The following KIAA1217 variants were observed in gnomAD, a reference collection of about 807,000 sequenced individuals.
The protein encoded by KIAA1217 is KIAA1217.
In KIAA1217, 88 loss-of-function variants were observed where a neutral mutation model predicts 163.9. The ratio of observed to expected loss-of-function variants is 0.54; its 90% CI spans 0.45 to 0.64. The LOEUF (loss-of-function observed/expected upper bound fraction) is 0.64. Among genes scored for constraint, KIAA1217 ranks in the 30% least tolerant of loss-of-function variants. KIAA1217 has a pLI of 0.00. For missense variants in KIAA1217, 2,372 were observed against 2,475.0 expected (o/e 0.96, Z 0.88); for synonymous variants, 903 against 923.1 (o/e 0.98, Z 0.39).
chr10:24,322,184 C>T (rs1334476565), intron 2 of KIAA1217, among the ~76,000 whole-genome samples: 1 of 152,062 alleles, frequency 6.6e-6, no homozygotes, highest in East Asian at 1.9e-4. Context: ...GAATTCCTGA[C>T]CTCTAGTGAT....
chr10:24,189,384 T>C (rs2066605504), intron 2 of KIAA1217, among the ~76,000 whole-genome samples: 1 of 152,176 alleles, frequency 6.6e-6, no homozygotes, highest in Non-Finnish European at 1.5e-5. Context: ...GGAGCAATTC[T>C]AGACAATGAT....
chr10:23,699,030 C>G (rs1292489027), intron 1 of KIAA1217, among the ~76,000 whole-genome samples: 2 of 152,312 alleles, frequency 1.3e-5, no homozygotes, highest in African/African-American at 4.8e-5. Context: ...CTGGCTGGGT[C>G]TGCTATCCTT....
chr10:24,310,993 G>A (rs1199547593), intron 2 of KIAA1217, among the ~76,000 whole-genome samples: 1 of 152,144 alleles, frequency 6.6e-6, no homozygotes, highest in African/African-American at 2.4e-5. Context: ...GTGAGACCCT[G>A]TCTCAAACAA....
At chr10:24,166,968 C>A (rs1473958887) in intron 2 of KIAA1217, among the ~76,000 whole-genome samples, 1 of 152,044 alleles carries the variant, frequency 6.6e-6, no homozygotes, top group Non-Finnish European at 1.5e-5. Flanking sequence ...GTGCTGATAG[C>A]TGGAGAAGAA....
chr10:24,035,482 G>A (rs1328658018), intron 2 of KIAA1217, among the ~76,000 whole-genome samples: 1 of 151,958 alleles, frequency 6.6e-6, no homozygotes, highest in Non-Finnish European at 1.5e-5. Flanking sequence ...TAGAACTTTG[G>A]AAAAAACACT....
chr10:23,758,407 T>C (rs2130850562), intron 1 of KIAA1217, among the ~76,000 whole-genome samples: 1 of 152,306 alleles, frequency 6.6e-6, no homozygotes, highest in South Asian at 2.1e-4. Context: ...TGTATTCCAT[T>C]GGTCTGTATG....
chr10:23,929,942 T>A (rs1056367959), intron 1 of KIAA1217, among the ~76,000 whole-genome samples: 35 of 152,136 alleles, frequency 2.3e-4, no homozygotes, highest in Non-Finnish European at 1.5e-5. Context: ...AGCATTCCTC[T>A]TTTTTTGGGA....
At chr10:23,849,704 A>C (rs1009678986) in intron 1 of KIAA1217, among the ~76,000 whole-genome samples, 13 of 151,728 alleles carry the variant, frequency 8.6e-5, no homozygotes, top group African/African-American at 2.7e-4. Context: ...AATAAAACTT[A>C]AAAAAAAGAG....
intron 1 of KIAA1217, among the ~76,000 whole-genome samples, chr10:23,864,096 A>G (rs1840074132): frequency 7.3e-6 from 1 of 137,790 alleles, no homozygotes; most frequent in South Asian, 2.3e-4. Context: ...TATTATTATT[A>G]TTATTATTCC....
intron 1 of KIAA1217, among the ~76,000 whole-genome samples, chr10:24,212,028 G>A (rs539321438): frequency 6.6e-6 from 1 of 150,440 alleles, no homozygotes; most frequent in Admixed American, 6.6e-5. Flanking sequence ...GGGTAACAGT[G>A]TAAGATTCTG....
At chr10:24,344,660 T>G (rs921173605) in intron 2 of KIAA1217, among the ~76,000 whole-genome samples, 7 of 152,326 alleles carry the variant, frequency 4.6e-5, no homozygotes, top group African/African-American at 1.7e-4. Flanking sequence ...AATGTAACTT[T>G]TAATTTTAAA....
chr10:23,713,111 G>T (rs1837359595), intron 1 of KIAA1217, among the ~76,000 whole-genome samples: 1 of 152,102 alleles, frequency 6.6e-6, no homozygotes, highest in African/African-American at 2.4e-5. Context: ...ATGAATTGAG[G>T]TATTAGAAAA....
chr10:24,441,533 G>A (rs772161069), intron 5 of KIAA1217, among the ~76,000 whole-genome samples: 10 of 152,190 alleles, frequency 6.6e-5, no homozygotes, highest in South Asian at 4.1e-4. Flanking sequence ...CAGAGTGTGC[G>A]TGGAATGCAT....
At chr10:24,303,645 A>G (rs1367474258) in intron 2 of KIAA1217, among the ~76,000 whole-genome samples, 1 of 152,172 alleles carries the variant, frequency 6.6e-6, no homozygotes, top group Non-Finnish European at 1.5e-5. Flanking sequence ...GGTGGGATTA[A>G]GCTTGAGGAA....
chr10:23,986,327 A>T (rs530481071), intron 1 of KIAA1217, among the ~76,000 whole-genome samples: 53 of 152,220 alleles, frequency 3.5e-4, no homozygotes, highest in Non-Finnish European at 3.1e-4. Flanking sequence ...GCCTGAATCA[A>T]ATTACAGTTG....
At chr10:24,112,787 C>T (rs975340362) in intron 2 of KIAA1217, among the ~76,000 whole-genome samples, 17 of 151,856 alleles carry the variant, frequency 1.1e-4, no homozygotes, top group African/African-American at 3.6e-4. Context: ...GGGGTTTCAC[C>T]GTGTTAGCCA....
chr10:24,276,625 T>TTC (rs1491326553), intron 2 of KIAA1217, among the ~76,000 whole-genome samples: 2 of 148,594 alleles, frequency 1.3e-5, no homozygotes, highest in East Asian at 4.0e-4. Flanking sequence ...TTTTTTTTTT[T>TTC]CTGAGATGGA....
At chr10:23,858,806 G>A (rs1839826188) in intron 1 of KIAA1217, among the ~76,000 whole-genome samples, 2 of 152,062 alleles carry the variant, frequency 1.3e-5, no homozygotes, top group Non-Finnish European at 2.9e-5. Flanking sequence ...AGACCTGGTT[G>A]TAGGTGTCAC....
chr10:24,280,612 C>T (rs556354609), intron 2 of KIAA1217, among the ~76,000 whole-genome samples: 241 of 151,882 alleles, frequency 1.6e-3, no homozygotes, highest in Non-Finnish European at 2.3e-3. Flanking sequence ...GAGATCGAGA[C>T]CATCCTGGCT....
Sources: allele counts gnomAD v4.1 joint callset (sites outside exome capture counted in the v4.1 genomes callset), GRCh38; gene constraint gnomAD v4.1.1; transcripts MANE v1.5; gene names NCBI Gene and HGNC (gene_info 2026-07-23, HGNC 2026-07-21).